The following DGKH variants were observed in gnomAD, a reference collection of about 807,000 sequenced individuals.
The protein encoded by DGKH is DAG kinase eta.
A neutral mutation model predicts 159.3 loss-of-function variants in DGKH; 90 were observed. The ratio of observed to expected loss-of-function variants is 0.57; its 90% confidence interval spans 0.48 to 0.67. DGKH has a LOEUF of 0.67. DGKH is among the 30% of genes least tolerant of loss of function. The pLI, the probability that DGKH is intolerant of heterozygous loss-of-function variation, is 0.00. For missense variants in DGKH, 1,181 were observed against 1,506.1 expected (o/e 0.78, Z 3.57); for synonymous variants, 536 against 553.8 (o/e 0.97, Z 0.45).
intron 1 of DGKH, among the ~76,000 whole-genome samples, chr13:42,106,371 G>C (rs1954755774): frequency 6.6e-6 from 1 of 152,160 alleles, no homozygotes; most frequent in Non-Finnish European, 1.5e-5. Flanking sequence ...CCTTCCAAGT[G>C]AAAAGCTCAG....
chr13:42,196,433 T>G (rs897029910), intron 17 of DGKH, among the ~76,000 whole-genome samples: 1 of 152,230 alleles, frequency 6.6e-6, no homozygotes, highest in Admixed American at 6.5e-5. Flanking sequence ...ACAAAAGTGA[T>G]ATATTCATAC....
intron 1 of DGKH, among the ~76,000 whole-genome samples, chr13:42,084,880 C>T (rs1954272669): frequency 6.6e-6 from 1 of 150,604 alleles, no homozygotes; most frequent in Non-Finnish European, 1.5e-5. Context: ...TTTAATCTTG[C>T]TTTATTAACC....
At chr13:42,054,358 A>G (rs1203971559) in intron 1 of DGKH, among the ~76,000 whole-genome samples, 21 of 152,234 alleles carry the variant, frequency 1.4e-4, no homozygotes, top group Admixed American at 1.4e-3. Flanking sequence ...GTAAAGTGAT[A>G]CTGACAGCCT....
intron 1 of DGKH, among the ~76,000 whole-genome samples, chr13:42,081,322 T>G (rs1360733636): frequency 4.6e-5 from 7 of 152,016 alleles, no homozygotes; most frequent in Non-Finnish European, 8.8e-5. Context: ...TTCTACCTCC[T>G]GGGTTCAAGC....
chr13:42,178,219 A>C lies in DGKH; in HGVS notation c.1537A>C (p.Lys513Gln). The C allele has an allele frequency of 6.3e-7, 1 of 1,589,718 alleles. No homozygotes were observed. Among genetic ancestry groups the C allele is most frequent in the Non-Finnish European group, 8.6e-7 (1 of 1,164,112 alleles). Residue 513 changes from lysine to glutamine, a missense_variant and splice_region_variant, in exon 13 of 30, where the codon AAG becomes CAG. By Grantham distance (53) the Lys-to-Gln change is moderately conservative. Around this residue, in one of 5 missense-constraint regions of DGKH, gnomAD observed 369 missense variants for 519.4 expected, o/e 0.71. Transcript: ENST00000337343. ...ACATGCAGTGGTCATATCTTCTGCC[A>C]AGTGAGTTGTGGGTTTTAAGTCTTT... is the stretch of plus-strand genomic sequence containing the variant. ...DEHAVVISSA[K>Q]TLCETVKDFV...
upstream of DGKH, among the ~76,000 whole-genome samples, chr13:42,047,793 G>T (rs948059371): frequency 6.6e-6 from 1 of 152,168 alleles, no homozygotes; most frequent in Admixed American, 6.5e-5. Context: ...GTGTTCGCAT[G>T]GCTCGAGTGT....
chr13:42,167,803 C>T (rs773854505), intron 9 of DGKH, among the ~76,000 whole-genome samples: 9 of 152,108 alleles, frequency 5.9e-5, no homozygotes, highest in Admixed American at 2.0e-4. Flanking sequence ...CATTTGTCCT[C>T]GAAGGCTTCA....
intron 17 of DGKH, among the ~76,000 whole-genome samples, chr13:42,198,164 C>T (rs1957250074): frequency 6.6e-6 from 1 of 152,046 alleles, no homozygotes; most frequent in Non-Finnish European, 1.5e-5. Flanking sequence ...TTTGCTATAA[C>T]AAAGGAAGTA....
At chr13:42,255,055 CGT>C (rs1958648106) in intron 30 of DGKH, among the ~76,000 whole-genome samples, 1 of 150,380 alleles carries the variant, frequency 6.6e-6, no homozygotes, top group Admixed American at 6.7e-5. Context: ...ATTATTTTTG[CGT>C]GTTTCTTTTA....
At chr13:42,112,407 G>C (rs1167804046) in intron 1 of DGKH, among the ~76,000 whole-genome samples, 2 of 150,566 alleles carry the variant, frequency 1.3e-5, no homozygotes, top group African/African-American at 4.9e-5. Context: ...TTGGCCTCCT[G>C]AGTAGGTGGG....
chr13:42,213,986 C>T (rs1312334064), intron 24 of DGKH, among the ~76,000 whole-genome samples: 2 of 152,124 alleles, frequency 1.3e-5, no homozygotes, highest in East Asian at 1.9e-4. Flanking sequence ...ATGCCTACCA[C>T]GTCTCTCTGA....
chr13:42,187,280 T>A (rs1203029933), intron 14 of DGKH, 132 bp downstream of exon 14: 2 of 728,830 alleles, frequency 2.7e-6, no homozygotes, highest in Non-Finnish European at 4.7e-6. Flanking sequence ...TTACTTTGGA[T>A]CAGATCTGAG....
intron 1 of DGKH, among the ~76,000 whole-genome samples, chr13:42,103,490 T>C (rs1354653243): frequency 1.3e-5 from 2 of 152,198 alleles, no homozygotes; most frequent in Admixed American, 6.5e-5. Flanking sequence ...CTCACTTCCC[T>C]CTGCGATTCC....
chr13:42,254,606 A>G (rs1268650640), intron 30 of DGKH, among the ~76,000 whole-genome samples: 1 of 151,540 alleles, frequency 6.6e-6, no homozygotes, highest in African/African-American at 2.4e-5. Flanking sequence ...GCACTCCACT[A>G]GGCAACAAAA....
intron 1 of DGKH, among the ~76,000 whole-genome samples, chr13:42,041,359 T>C (rs1340663217): frequency 2.0e-5 from 3 of 151,918 alleles, no homozygotes; most frequent in Non-Finnish European, 2.9e-5. Flanking sequence ...GACACGCGCC[T>C]GGAGAGGCTG....
At chr13:42,049,101 A>ATGGTG (rs1881035850) in intron 1 of DGKH, 136 bp downstream of exon 1, 2 of 727,256 alleles carry the variant, frequency 2.8e-6, no homozygotes, top group Admixed American at 7.5e-5. Context: ...GAAGGCGGGG[A>ATGGTG]AGGCGGGGAA....
At chr13:42,057,435 C>T (rs1881846640) in intron 1 of DGKH, among the ~76,000 whole-genome samples, 1 of 152,290 alleles carries the variant, frequency 6.6e-6, no homozygotes, top group Non-Finnish European at 1.5e-5. Flanking sequence ...TGTTCCTCGA[C>T]ACTCTTGTAG....
upstream of DGKH, among the ~76,000 whole-genome samples, chr13:42,045,901 AAAATAATACAC>A (rs1460032937): frequency 2.6e-5 from 4 of 152,258 alleles, no homozygotes; most frequent in African/African-American, 7.2e-5. Flanking sequence ...ACCTCTGTAG[AAAATAATACAC>A]GAATATTCAT....
intron 1 of DGKH, among the ~76,000 whole-genome samples, chr13:42,041,985 C>G (rs949037395): frequency 1.3e-5 from 2 of 152,206 alleles, no homozygotes; most frequent in African/African-American, 2.4e-5. Flanking sequence ...TATATACGCT[C>G]TCAGCTCCTT....
Sources: allele counts gnomAD v4.1 joint callset (sites outside exome capture counted in the v4.1 genomes callset), GRCh38; gene constraint gnomAD v4.1.1; regional missense constraint gnomAD v4.1.1; transcripts MANE v1.5; gene names NCBI Gene and HGNC (gene_info 2026-07-23, HGNC 2026-07-21).